USPL1: variants seen among roughly 807,000 people sequenced by gnomAD.
USPL1 encodes ubiquitin specific peptidase like 1.
In USPL1, 27 loss-of-function variants were observed where a neutral mutation model predicts 51.5. That is an observed-to-expected ratio of 0.52 (90% CI 0.39 to 0.72). USPL1 has a LOEUF of 0.72. Among genes scored for constraint, USPL1 ranks in the 30% least tolerant of loss-of-function variants. The probability of loss-of-function intolerance (pLI) is 0.00; values close to 1 mark genes in which losing one functional copy is unlikely to be tolerated. For synonymous variants in USPL1, 451 were observed against 459.6 expected (o/e 0.98, Z 0.24); for missense variants, 1,226 against 1,268.0 (o/e 0.97, Z 0.50).
intron 3 of USPL1, among the ~76,000 whole-genome samples, chr13:30,629,963 C>T (rs1327859923): frequency 1.3e-5 from 2 of 151,136 alleles, no homozygotes; most frequent in East Asian, 1.9e-4. Flanking sequence ...CATTAATTAA[C>T]TATTATTATT....
rs1951181017 is a variant in USPL1 at position 30,657,603 on chromosome 13, C to G, written c.1526C>G (p.Ala509Gly). ...RKISQVTDKE[A>G]ACLPLKKTND... ...ATATCCCAAGTGACAGATAAAGAAG[C>G]TGCCTGCCTTCCACTTAAAAAGACT... The change falls in exon 9 of 9, where the codon GCT (alanine) becomes GGT (glycine). Residue 509 changes from alanine (A) to glycine (G), a missense_variant. By Grantham distance (60) the Ala-to-Gly change is moderately conservative. Transcript: ENST00000255304. 6.2e-7 allele frequency: 1 copy of G among 1,614,196 alleles called. No homozygotes were observed.
Position 30,657,609 on chromosome 13 carries a change from G to A in USPL1, c.1532G>A (p.Cys511Tyr). Residue 511 changes from cysteine to tyrosine, a missense_variant, in exon 9 of 9, where the codon TGC becomes TAC. Physicochemically the swap from Cys to Tyr is radical, Grantham distance 194. Coordinates refer to ENST00000255304, the MANE Select transcript of USPL1 (RefSeq NM_005800.5). The part of the protein sequence containing the change: ...ISQVTDKEAA[C>Y]LPLKKTNDQH... ...CAAGTGACAGATAAAGAAGCTGCCTGCCTTCCACTTAAAAAGACTAATGAC... is the reference window on the plus strand; with the variant it reads ...CAAGTGACAGATAAAGAAGCTGCCTACCTTCCACTTAAAAAGACTAATGAC... 6.2e-7 allele frequency: 1 copy of A among 1,614,190 alleles called. No individual in the cohort carries two copies. Among genetic ancestry groups the A allele is most frequent in the Non-Finnish European group, 8.5e-7 (1 of 1,180,024 alleles).
intron 6 of USPL1, among the ~76,000 whole-genome samples, chr13:30,644,816 GTAAAC>G (rs1308779396): frequency 6.6e-6 from 1 of 152,166 alleles, no homozygotes; most frequent in Non-Finnish European, 1.5e-5. Context: ...TTTTTGTTGA[GTAAAC>G]TTTTGTAATA....
chr13:30,634,944 C>G (rs9579621), intron 4 of USPL1, among the ~76,000 whole-genome samples: 5 of 152,046 alleles, frequency 3.3e-5, no homozygotes, highest in African/African-American at 1.2e-4. Context: ...AAGAGGTTGT[C>G]GGCTCTATGT....
At chr13:30,632,137 C>T (rs1442071308) in intron 4 of USPL1, among the ~76,000 whole-genome samples, 4 of 151,936 alleles carry the variant, frequency 2.6e-5, no homozygotes, top group African/African-American at 4.8e-5. Flanking sequence ...CCCATCAGGC[C>T]CCAGTGTGTG....
At chr13:30,650,720 C>T (rs1019661989) in intron 7 of USPL1, among the ~76,000 whole-genome samples, 4 of 152,110 alleles carry the variant, frequency 2.6e-5, no homozygotes, top group Admixed American at 6.5e-5. Context: ...TTCGGCCGGG[C>T]ATAGTGGCTC....
chr13:30,637,802 T>C lies in USPL1; in HGVS notation c.927T>C (p.Asn309=). Residue 309 remains asparagine, a synonymous_variant, in exon 5 of 9, where the codon AAT becomes AAC. Coordinates refer to ENST00000255304, the MANE Select transcript of USPL1 (RefSeq NM_005800.5). ...EIFAEIETCL[N]EVRDEIFISL... ...TTGCAGAGATAGAGACCTGTCTGAA[T>C]GAAGTTAGAGATGAAATTTTTATTA... 1 of 1,613,752 alleles carries C rather than the reference T, an allele frequency of 6.2e-7. No homozygotes were observed. The highest frequency in any genetic ancestry group is 8.5e-7 in the Non-Finnish European group (1 of 1,179,860).
intron 8 of USPL1, among the ~76,000 whole-genome samples, chr13:30,655,488 C>T (rs904693583): frequency 6.6e-6 from 1 of 152,168 alleles, no homozygotes; most frequent in Non-Finnish European, 1.5e-5. Flanking sequence ...AGTCTGGTGG[C>T]AAGTACCCTT....
Position 30,657,780 on chromosome 13 carries a change from A to C in USPL1, c.1703A>C (p.His568Pro). ...RTLSQDTAVT[H>P]GDHLLSGPKG... ...CTTTCACAGGACACAGCTGTAACTC[A>C]TGGAGATCATTTACTTTCAGGTCCA... Residue 568 changes from histidine (H) to proline (P), a missense_variant, in exon 9 of 9, where the codon CAT becomes CCT. Coordinates refer to ENST00000255304, the MANE Select transcript of USPL1 (RefSeq NM_005800.5). 1 of 1,614,132 alleles carries C rather than the reference A, an allele frequency of 6.2e-7. No individual in the cohort carries two copies. Among genetic ancestry groups the C allele is most frequent in the Non-Finnish European group, 8.5e-7 (1 of 1,180,030 alleles).
intron 7 of USPL1, among the ~76,000 whole-genome samples, chr13:30,650,671 A>G (rs901978116): frequency 3.3e-5 from 5 of 152,004 alleles, no homozygotes; most frequent in African/African-American, 1.2e-4. Context: ...CAAATGGGAA[A>G]AAATTTGGAA....
At position 30,647,101 on chromosome 13, in the gene USPL1, G is replaced by A. The variant is rs182040371; in HGVS notation, c.1238+44G>A. ...ATAATTTTTAGTACAAAATGAAGGTGGATTTACATTTTTCTTAATGTGTAG... is the reference window on the plus strand; with the variant it reads ...ATAATTTTTAGTACAAAATGAAGGTAGATTTACATTTTTCTTAATGTGTAG... On this transcript the variant is annotated intron_variant, in intron 7 of 8. Transcript: ENST00000255304. 2.9e-5 allele frequency: 46 copies of A among 1,562,940 alleles called. No homozygotes were observed. The East Asian group carries it at 9.5e-4, about 32-fold the overall frequency.
chr13:30,631,969 GTT>G (rs58557045), intron 4 of USPL1, among the ~76,000 whole-genome samples: 15 of 147,134 alleles, frequency 1.0e-4, no homozygotes, highest in African/African-American at 2.2e-4. Flanking sequence ...CAGTTTTTTT[GTT>G]TTTTTTTTTT....
At chr13:30,627,277 GAT>G (rs1950729451) in intron 3 of USPL1, among the ~76,000 whole-genome samples, 1 of 151,920 alleles carries the variant, frequency 6.6e-6, no homozygotes, top group African/African-American at 2.4e-5. Context: ...GGTATACAGA[GAT>G]ACAAATATTT....
At position 30,658,959 on chromosome 13, in the gene USPL1, C is replaced by G. The variant is rs768599444; in HGVS notation, c.2882C>G (p.Ser961Cys). The G allele has an allele frequency of 9.3e-6, 15 of 1,614,158 alleles. No individual in the cohort carries two copies. The highest frequency in any genetic ancestry group is 1.3e-5 in the Non-Finnish European group (15 of 1,180,028). The change falls in exon 9 of 9, where the codon TCC becomes TGC. Residue 961 changes from serine (S) to cysteine (C), a missense_variant. Physicochemically the swap from Ser to Cys is moderately radical, Grantham distance 112. Transcript: ENST00000255304. ...GCATGCACCACTGTTCCTGGTGTTT[C>G]CCTGTACAGTAGTCAAACTCATGAA... ...ESACTTVPGVSLYSSQTHEEI... is the reference protein window; with the variant it reads ...ESACTTVPGVCLYSSQTHEEI...
intron 8 of USPL1, among the ~76,000 whole-genome samples, chr13:30,653,712 C>T (rs1157031189): frequency 2.0e-5 from 3 of 152,172 alleles, no homozygotes; most frequent in Non-Finnish European, 4.4e-5. Flanking sequence ...TAACAGCTAC[C>T]ATCAAGATAA....
At chr13:30,631,873 C>G (rs185017361) in intron 4 of USPL1, among the ~76,000 whole-genome samples, 2 of 152,176 alleles carry the variant, frequency 1.3e-5, no homozygotes, top group African/African-American at 4.8e-5. Context: ...GCTTCTGTTT[C>G]CTGGAGGCCT....
chr13:30,648,362 T>C (rs1003418705), intron 7 of USPL1, among the ~76,000 whole-genome samples: 1 of 152,188 alleles, frequency 6.6e-6, no homozygotes, highest in African/African-American at 2.4e-5. Flanking sequence ...TGGAACTCTT[T>C]CCTGCCACCT....
In USPL1 at chr13:30,657,551, A is replaced by T. The variant is rs963748889; in HGVS notation, c.1474A>T (p.Ile492Leu). ...GAAATTTGAAGTTCCTGCTTCAGAG[A>T]TACATATTGTTATTTGGGAAAGAAA... ...HKKFEVPASE[I>L]HIVIWERKIS... Residue 492 changes from isoleucine to leucine, a missense_variant, in exon 9 of 9, where the codon ATA becomes TTA. Coordinates refer to ENST00000255304, the MANE Select transcript of USPL1 (RefSeq NM_005800.5). 1.9e-6 allele frequency: 3 copies of T among 1,614,100 alleles called. No homozygotes were observed. In the Admixed American group the frequency reaches 5.0e-5, roughly 27 times the overall value.
At position 30,643,597 on chromosome 13, in the gene USPL1, T is replaced by TCCCCCC. The variant is rs201886838; in HGVS notation, c.1112+842_1112+843insCCCCCC. On this transcript the variant is annotated intron_variant, in intron 6 of 8. Transcript: ENST00000255304. Reference sequence around the variant, plus strand: ...AATTATTACAATAGAAATAACTCTTTCCACCCCCCCCCGCCCTTTTTTTTT... The same window carrying TCCCCCC: ...AATTATTACAATAGAAATAACTCTTTCCCCCCCCACCCCCCCCCGCCCTTTTTTTTT... 4.8e-4 allele frequency among the ~76,000 whole-genome samples: 42 copies of TCCCCCC among 86,962 alleles called. 1 individual carries two copies. Among genetic ancestry groups the TCCCCCC allele is most frequent in the African/African-American group, 2.4e-3 (31 of 12,816 alleles). The allele number at this position is 86,962 out of a possible 152,430, so 57.1% of individuals were successfully genotyped here. A position where few individuals can be genotyped will look rare whatever the true frequency, so the allele number is the denominator to read the frequency against.
Sources: gnomAD v4.1 joint callset for allele counts (sites outside exome capture counted in the v4.1 genomes callset) on GRCh38, gnomAD v4.1.1 for gene constraint, MANE v1.5 for transcripts, NCBI Gene and HGNC (gene_info 2026-07-23, HGNC 2026-07-21) for gene names.